Variants in CPSF2 observed in about 807,000 individuals in gnomAD.
CPSF2 encodes the protein cleavage and polyadenylation specific factor 2.
A neutral mutation model predicts 84.2 loss-of-function variants in CPSF2; 51 were observed. The observed-to-expected ratio is 0.61, with a 90% CI of 0.48 to 0.77. CPSF2 has a LOEUF of 0.77. CPSF2 is among the 30% of genes least tolerant of loss of function. The probability of loss-of-function intolerance (pLI) is 0.00; values close to 1 mark genes in which losing one functional copy is unlikely to be tolerated. For missense variants in CPSF2, 641 were observed against 929.4 expected (o/e 0.69, Z 4.03); for synonymous variants, 286 against 311.9 (o/e 0.92, Z 0.87).
In CPSF2 at chr14:92,157,875, C is replaced by A; in HGVS notation, c.1812C>A (p.His604Gln). 2 of 1,610,698 alleles carry A rather than the reference C, an allele frequency of 1.2e-6. No individual in the cohort carries two copies. ...HETVDATSET[H>Q]IYQVRLKDSL... ...CAGTTGATGCCACTAGTGAAACTCA[C>A]ATCTACCAGGTAAACATGCCAGGAG... The change falls in exon 13 of 16, where the codon CAC becomes CAA. Residue 604 changes from histidine (H) to glutamine (Q), a missense_variant. This residue lies in a region of CPSF2 where 430 missense variants were observed against 553.6 expected (regional missense o/e 0.78). Transcript: ENST00000298875. This position sits in a 1 kb window ranked among gnomAD's most constrained non-coding sequence, Gnocchi z 4.0.
intron 1 of CPSF2, among the ~76,000 whole-genome samples, chr14:92,123,862 A>T (rs532726707): frequency 6.6e-6 from 1 of 152,204 alleles, no homozygotes; most frequent in South Asian, 2.1e-4. Context: ...GGTATTGGAT[A>T]TACAAAGATG....
rs752607767 is a variant in CPSF2 at position 92,159,057 on chromosome 14, T to C, written c.1896T>C (p.Asp632=). The part of the protein sequence containing the change: ...KAKDAELAWI[D]GVLDMRVSKV... The stretch of plus-strand genomic sequence containing the variant: ...AAGATGCTGAATTAGCTTGGATAGA[T>C]GGTGTCTTAGATATGAGAGTTTCCA... Residue 632 remains aspartate, a synonymous_variant, in exon 14 of 16, where the codon GAT becomes GAC. Transcript: ENST00000298875. 4 of 1,614,106 alleles carry C rather than the reference T, an allele frequency of 2.5e-6. No individual in the cohort carries two copies. Among genetic ancestry groups the C allele is most frequent in the Non-Finnish European group, 3.4e-6 (4 of 1,179,972 alleles).
intron 10 of CPSF2, among the ~76,000 whole-genome samples, chr14:92,154,858 T>C (rs2069268230): frequency 6.6e-6 from 1 of 152,220 alleles, no homozygotes; most frequent in African/African-American, 2.4e-5. Flanking sequence ...CTGTACAGCA[T>C]GTTACTGTAC....
intron 3 of CPSF2, among the ~76,000 whole-genome samples, chr14:92,133,217 C>T (rs1204703077): frequency 1.3e-5 from 2 of 151,970 alleles, no homozygotes; most frequent in South Asian, 2.1e-4. Context: ...GTTGGGAGTT[C>T]GAGACCACCC....
intron 14 of CPSF2, among the ~76,000 whole-genome samples, chr14:92,160,860 A>T (rs935220221): frequency 7.9e-5 from 12 of 152,328 alleles, no homozygotes; most frequent in African/African-American, 2.9e-4. Flanking sequence ...CTCTGTTATG[A>T]TGAGGCATGA....
chr14:92,139,705 A>G (rs2069049663), intron 7 of CPSF2, among the ~76,000 whole-genome samples: 1 of 150,398 alleles, frequency 6.6e-6, no homozygotes, highest in South Asian at 2.1e-4. Flanking sequence ...TGCCCAGCTA[A>G]TTTTTATATT....
intron 7 of CPSF2, 47 bp downstream of exon 7, chr14:92,138,394 T>C: frequency 9.5e-7 from 1 of 1,047,228 alleles, no homozygotes; most frequent in Non-Finnish European, 1.4e-6. Context: ...TTTGTAACTT[T>C]TTGTATATTT....
At chr14:92,152,321 CT>C (rs1271920622) in intron 9 of CPSF2, among the ~76,000 whole-genome samples, 1 of 151,396 alleles carries the variant, frequency 6.6e-6, no homozygotes, top group African/African-American at 2.4e-5. Flanking sequence ...TAGAGATGGG[CT>C]TTCTCCATAT....
intron 9 of CPSF2, among the ~76,000 whole-genome samples, chr14:92,150,817 A>C (rs547955154): frequency 2.6e-5 from 4 of 152,272 alleles, no homozygotes; most frequent in South Asian, 2.1e-4. Flanking sequence ...TGAGCCTGTC[A>C]CTCTAAAGAA....
In CPSF2 at chr14:92,134,276, A is replaced by C. The variant is rs200651259; in HGVS notation, c.336A>C (p.Thr112=). Residue 112 remains threonine, a synonymous_variant, in exon 5 of 16, where the codon ACA becomes ACC. Coordinates refer to ENST00000298875, the MANE Select transcript of CPSF2 (RefSeq NM_017437.3). ...YQSRHNTEDF[T]LFTLDDVDAA... ...CTCGACACAATACAGAAGATTTTACACTCTTTACATTAGATGATGTGGATG... is the reference window on the plus strand; with the variant it reads ...CTCGACACAATACAGAAGATTTTACCCTCTTTACATTAGATGATGTGGATG... The C allele has an allele frequency of 6.2e-7, 1 of 1,613,504 alleles. No individual in the cohort carries two copies. The highest frequency in any genetic ancestry group is 2.2e-5 in the East Asian group (1 of 44,848).
At position 92,143,309 on chromosome 14, in the gene CPSF2, G is replaced by A. The variant is rs2069103295; in HGVS notation, c.1140+15G>A. ...CAGAAATAGAGGTAAGCACTTGTAT[G>A]TGAACTTTATCTTAAAACTGTTTGG... On this transcript the variant is annotated intron_variant, in intron 9 of 15. Coordinates refer to ENST00000298875, the MANE Select transcript of CPSF2 (RefSeq NM_017437.3). 2 of 1,529,686 alleles carry A rather than the reference G, an allele frequency of 1.3e-6. No individual in the cohort carries two copies. Among genetic ancestry groups the A allele is most frequent in the African/African-American group, 1.4e-5 (1 of 72,280 alleles). The allele number at this position is 1,529,686 out of a possible 1,614,324, so 94.8% of individuals were successfully genotyped here. A position where few individuals can be genotyped will look rare whatever the true frequency, so the allele number is the denominator to read the frequency against.
rs946928848 is a variant in CPSF2, at chr14:92,164,247, T to G, written c.*2503T>G. 5 of 152,232 alleles carry G rather than the reference T, an allele frequency of 3.3e-5. No individual in the cohort carries two copies. Among genetic ancestry groups the G allele is most frequent in the African/African-American group, 1.2e-4 (5 of 41,462 alleles). 9.4% of individuals were successfully genotyped at this position (152,232 alleles called of 1,614,324 possible). On this transcript the variant is annotated 3_prime_UTR_variant, in exon 16 of 16. Coordinates refer to ENST00000298875, the MANE Select transcript of CPSF2 (RefSeq NM_017437.3). ...ATAGCAGTGTGAGAACAGACTAATA[T>G]GAATACCAATACTGAAAAATTGTTT...
In CPSF2 at chr14:92,163,432, A is replaced by T. The variant is rs1019497713; in HGVS notation, c.*1688A>T. 1 of 152,654 alleles carries T rather than the reference A, an allele frequency of 6.6e-6. No homozygotes were observed. 9.5% of individuals were successfully genotyped at this position (152,654 alleles called of 1,614,324 possible). ...GTTTTCTTTTTAGTGCTTTGGAAAA[A>T]TTTCACTTAAACTCTTATTACTGTA... On this transcript the variant is annotated 3_prime_UTR_variant, in exon 16 of 16. Coordinates refer to ENST00000298875, the MANE Select transcript of CPSF2 (RefSeq NM_017437.3).
chr14:92,139,169 C>G (rs8007676), intron 7 of CPSF2, among the ~76,000 whole-genome samples: 77,867 of 151,894 alleles, frequency 0.51, 21,487 homozygotes, highest in East Asian at 0.98. Context: ...TGTAATCCCA[C>G]CACTTTGGGA....
At chr14:92,143,458 C>T (rs1041827234) in intron 9 of CPSF2, among the ~76,000 whole-genome samples, 164 bp downstream of exon 9, 8 of 152,066 alleles carry the variant, frequency 5.3e-5, no homozygotes, top group Non-Finnish European at 8.8e-5. Flanking sequence ...GTGCCAGCTA[C>T]TCGGGAGGCT....
Position 92,163,318 on chromosome 14 carries a change from G to A in CPSF2, c.*1574G>A, listed in dbSNP as rs2069399532. Reference sequence around the variant, plus strand: ...TTCAAATGCTTATAAAGCTACTATTGTAGATTATAGTGTTAATGCAAAGTT... The same window carrying A: ...TTCAAATGCTTATAAAGCTACTATTATAGATTATAGTGTTAATGCAAAGTT... On this transcript the variant is annotated 3_prime_UTR_variant, in exon 16 of 16. Transcript: ENST00000298875. 1 of 152,454 alleles carries A rather than the reference G, an allele frequency of 6.6e-6. No homozygotes were observed. The highest frequency in any genetic ancestry group is 2.1e-4 in the South Asian group (1 of 4,820). The allele number at this position is 152,454 out of a possible 1,614,324, so 9.4% of individuals were successfully genotyped here. A position where few individuals can be genotyped will look rare whatever the true frequency, so the allele number is the denominator to read the frequency against.
rs2069449512 is a variant in CPSF2 at position 92,166,505 on chromosome 14, CCTGA to C, written c.*4764_*4767del. 1 of 152,106 alleles carries C rather than the reference CCTGA, an allele frequency of 6.6e-6. No individual in the cohort carries two copies. The highest frequency in any genetic ancestry group is 1.5e-5 in the Non-Finnish European group (1 of 68,042). 9.4% of individuals were successfully genotyped at this position (152,106 alleles called of 1,614,324 possible). A position where few individuals can be genotyped will look rare whatever the true frequency, so the allele number is the denominator to read the frequency against. On this transcript the variant is annotated 3_prime_UTR_variant, in exon 16 of 16. Coordinates refer to ENST00000298875, the MANE Select transcript of CPSF2 (RefSeq NM_017437.3). ...GAGATTACAAGTGTGTGCCACCATGCCTGACTAATTTTTAAAATTTTTTTGTGAA... is the reference window on the plus strand; with the variant it reads ...GAGATTACAAGTGTGTGCCACCATGCCTAATTTTTAAAATTTTTTTGTGAA...
At chr14:92,158,551 A>G (rs2069322969) in intron 13 of CPSF2, among the ~76,000 whole-genome samples, 1 of 152,182 alleles carries the variant, frequency 6.6e-6, no homozygotes, top group Admixed American at 6.5e-5. Context: ...TCAGGAAAGG[A>G]CAAGCAGTTC....
chr14:92,133,294 C>T (rs1024229842), intron 3 of CPSF2, among the ~76,000 whole-genome samples: 1 of 151,724 alleles, frequency 6.6e-6, no homozygotes, highest in African/African-American at 2.4e-5. Flanking sequence ...TGGCACATGC[C>T]TGTAATCCCA....
Sources: allele counts gnomAD v4.1 joint callset (sites outside exome capture counted in the v4.1 genomes callset), GRCh38; gene constraint gnomAD v4.1.1; regional missense constraint gnomAD v4.1.1; non-coding constraint Gnocchi (gnomAD v3.1); transcripts MANE v1.5; gene names NCBI Gene and HGNC (gene_info 2026-07-23, HGNC 2026-07-21).